The following NANS variants were observed in gnomAD, a reference collection of about 807,000 sequenced individuals.
NANS encodes the protein N-acetylneuraminate-9-phosphate synthase.
In NANS, 29 loss-of-function variants were observed where a neutral mutation model predicts 33.3. The observed-to-expected ratio is 0.87, with a 90% confidence interval of 0.65 to 1.19. The LOEUF is 1.19. Ranked by LOEUF, NANS falls within the 50% of genes most tolerant of loss-of-function variation. The pLI, the probability that NANS is intolerant of heterozygous loss-of-function variation, is 0.00. For synonymous variants in NANS, 163 were observed against 177.2 expected (o/e 0.92, Z 0.64); for missense variants, 394 against 461.1 (o/e 0.85, Z 1.33).
At chr9:98,068,995 T>A (rs1278770730) in intron 2 of NANS, among the ~76,000 whole-genome samples, 2 of 152,222 alleles carry the variant, frequency 1.3e-5, no homozygotes, top group Non-Finnish European at 2.9e-5. Flanking sequence ...ATAATTCATA[T>A]ACTGTATAAT....
At chr9:98,060,415 T>C (rs960236201) in intron 1 of NANS, among the ~76,000 whole-genome samples, 3 of 152,226 alleles carry the variant, frequency 2.0e-5, no homozygotes, top group Admixed American at 6.5e-5. Context: ...ATGCCTGTAA[T>C]CCCAGCACTT....
At chr9:98,081,105 C>T (rs751205924) in intron 5 of NANS, 23 bp downstream of exon 5, 9 of 1,612,846 alleles carry the variant, frequency 5.6e-6, no homozygotes, top group Non-Finnish European at 6.8e-6. Context: ...GGACTCTACT[C>T]GGTTCTGCTG....
chr9:98,083,022 G>A lies in NANS; in HGVS notation c.1047G>A (p.Leu349=), dbSNP rs1292637732. The A allele has an allele frequency of 6.2e-7, 1 of 1,614,104 alleles. No homozygotes were observed. The highest frequency in any genetic ancestry group is 1.3e-5 in the African/African-American group (1 of 75,028). The change falls in exon 6 of 6, where the codon TTG becomes TTA. Residue 349 remains leucine, a synonymous_variant. Coordinates refer to ENST00000210444, the MANE Select transcript of NANS (RefSeq NM_018946.4). ...AGGATGACACCATCATGGAAGAATT[G>A]GTAGATAATCATGGCAAAAAAATCA... ...VEEDDTIMEE[L]VDNHGKKIKS
chr9:98,062,777 GTTT>G (rs765558300), intron 2 of NANS, among the ~76,000 whole-genome samples: 3 of 109,312 alleles, frequency 2.7e-5, no homozygotes, highest in African/African-American at 1.0e-4. Context: ...AGTTATTTCA[GTTT>G]TTTTTTTTTT....
At chr9:98,064,499 G>T (rs187071020) in intron 2 of NANS, among the ~76,000 whole-genome samples, 2 of 151,888 alleles carry the variant, frequency 1.3e-5, no homozygotes, top group African/African-American at 2.4e-5. Flanking sequence ...TCAGTGATCC[G>T]CCTGCCTCGG....
chr9:98,072,090 C>T (rs1285882580), intron 2 of NANS, among the ~76,000 whole-genome samples: 6 of 152,196 alleles, frequency 3.9e-5, no homozygotes, highest in Non-Finnish European at 5.9e-5. Flanking sequence ...GTCAGGCTCT[C>T]TGAGCTCAGC....
intron 1 of NANS, among the ~76,000 whole-genome samples, chr9:98,058,626 T>C (rs1486298195): frequency 6.6e-6 from 1 of 152,224 alleles, no homozygotes; most frequent in Non-Finnish European, 1.5e-5. Context: ...ACTGAAGCCA[T>C]AGAAACAAAG....
intron 2 of NANS, among the ~76,000 whole-genome samples, chr9:98,072,258 C>T (rs951986836): frequency 6.6e-6 from 1 of 152,330 alleles, no homozygotes; most frequent in East Asian, 1.9e-4. Flanking sequence ...GCCAGGTCTA[C>T]ACTCACCCAG....
intron 2 of NANS, among the ~76,000 whole-genome samples, chr9:98,071,350 G>A (rs971554994): frequency 1.3e-5 from 2 of 152,228 alleles, no homozygotes; most frequent in East Asian, 3.8e-4. Flanking sequence ...CAAGTGAATG[G>A]ACTCTAGGGT....
chr9:98,064,690 T>C (rs1829083721), intron 2 of NANS, among the ~76,000 whole-genome samples: 1 of 152,220 alleles, frequency 6.6e-6, no homozygotes, highest in Non-Finnish European at 1.5e-5. Flanking sequence ...TTGTTCAGTA[T>C]CACACAGTTA....
intron 4 of NANS, among the ~76,000 whole-genome samples, chr9:98,080,474 AC>A (rs913363451): frequency 6.6e-6 from 1 of 152,200 alleles, no homozygotes; most frequent in African/African-American, 2.4e-5. Context: ...ATTAAATGTG[AC>A]AGATGGTTTT....
chr9:98,072,432 G>A (rs1462204202), intron 2 of NANS, among the ~76,000 whole-genome samples: 4 of 148,850 alleles, frequency 2.7e-5, no homozygotes, highest in Non-Finnish European at 5.9e-5. Context: ...TTTTTTTTGA[G>A]ACGGAGTCTC....
rs190633390 is a variant in NANS at position 98,064,089 on chromosome 9, A to C, written c.348+3092A>C. Among the ~76,000 whole-genome samples the C allele has an allele frequency of 4.7e-4, 72 of 152,334 alleles. 1 individual carries two copies. The highest frequency in any genetic ancestry group is 7.7e-4 in the East Asian group (4 of 5,190). On this transcript the variant is annotated intron_variant, in intron 2 of 5. Transcript: ENST00000210444. ...AAGAAGCACACATGCAGCTCAGGCCAGAGGTAATGGGTGGTTTAAAAAAGG... is the reference window on the plus strand; with the variant it reads ...AAGAAGCACACATGCAGCTCAGGCCCGAGGTAATGGGTGGTTTAAAAAAGG...
intron 1 of NANS, among the ~76,000 whole-genome samples, chr9:98,057,520 C>T (rs1042322507): frequency 6.6e-6 from 1 of 152,178 alleles, no homozygotes; most frequent in African/African-American, 2.4e-5. Flanking sequence ...ACTTAGCCTC[C>T]GTGAACCCTT....
chr9:98,078,928 C>T (rs959245450), intron 4 of NANS, among the ~76,000 whole-genome samples: 4 of 151,790 alleles, frequency 2.6e-5, no homozygotes, highest in Admixed American at 1.3e-4. Context: ...TGAACACTAG[C>T]GTACAGATAA....
At chr9:98,076,792 A>G in intron 2 of NANS, 126 bp from the exon 3 acceptor site, 1 of 692,164 alleles carries the variant, frequency 1.4e-6, no homozygotes, top group Admixed American at 3.1e-5. Context: ...CCTGCTTTCA[A>G]GTTGCTGAGC....
In NANS at chr9:98,073,271, C is replaced by CTTT. The variant is rs10606237; in HGVS notation, c.349-3618_349-3616dup. Among the ~76,000 whole-genome samples, 342 of 57,860 alleles carry CTTT rather than the reference C, an allele frequency of 5.9e-3. 53 individuals carry two copies. Among genetic ancestry groups the CTTT allele is most frequent in the Middle Eastern group, 0.038 (3 of 78 alleles). The allele number at this position is 57,860 out of a possible 152,430, so 38.0% of individuals were successfully genotyped here. The stretch of plus-strand genomic sequence containing the variant: ...GTTCTCCCCAGCTCATCACCATGGG[C>CTTT]TTTTTTTTTTTTTTTTTTTTTTTTT... On this transcript the variant is annotated intron_variant, in intron 2 of 5. Transcript: ENST00000210444.
At chr9:98,068,996 A>G (rs1829232968) in intron 2 of NANS, among the ~76,000 whole-genome samples, 1 of 152,174 alleles carries the variant, frequency 6.6e-6, no homozygotes, top group Non-Finnish European at 1.5e-5. Context: ...TAATTCATAT[A>G]CTGTATAATT....
At chr9:98,068,169 C>T (rs917240199) in intron 2 of NANS, among the ~76,000 whole-genome samples, 8 of 152,170 alleles carry the variant, frequency 5.3e-5, no homozygotes, top group African/African-American at 1.7e-4. Context: ...GGGTTACACT[C>T]TGTCACCCAG....
Sources: allele counts gnomAD v4.1 joint callset (sites outside exome capture counted in the v4.1 genomes callset), GRCh38; gene constraint gnomAD v4.1.1; transcripts MANE v1.5; gene names NCBI Gene and HGNC (gene_info 2026-07-23, HGNC 2026-07-21).